The following CLDN2 variants were observed in gnomAD, a reference collection of about 807,000 sequenced individuals.
The protein encoded by CLDN2 is claudin-2.
A neutral mutation model predicts 8.2 loss-of-function variants in CLDN2; 1 was observed. That is an observed-to-expected ratio of 0.12 (90% confidence interval 0.04 to 0.58). The LOEUF is 0.58. CLDN2 is among the 20% of genes least tolerant of loss of function. The probability of loss-of-function intolerance (pLI) is 0.90; values close to 1 mark genes in which losing one functional copy is unlikely to be tolerated. For missense variants in CLDN2, 108 were observed against 172.9 expected (o/e 0.62, Z 2.11); for synonymous variants, 70 against 70.2 (o/e 1.00, Z 0.01).
upstream of CLDN2, chrX:106,918,279 G>T (rs1342155342): frequency 1.8e-5 from 2 of 112,033 alleles, no homozygotes; most frequent in African/African-American, 6.5e-5. Context: ...CACATAGTTG[G>T]TTAGAGGATT....
chrX:106,916,642 G>T (rs1481158355), upstream of CLDN2, among the ~76,000 whole-genome samples: 11 of 111,659 alleles, frequency 9.9e-5, no homozygotes, highest in African/African-American at 2.6e-4. Context: ...TACAATGAGG[G>T]TCAGAGAAAG....
intron 1 of CLDN2, among the ~76,000 whole-genome samples, chrX:106,926,042 C>T (rs1933460605): frequency 9.0e-6 from 1 of 111,690 alleles, no homozygotes; most frequent in Non-Finnish European, 1.9e-5. Flanking sequence ...AGGGAAGTAG[C>T]AGTGGAAATG....
At chrX:106,923,716 A>T (rs1211228733) in intron 1 of CLDN2, among the ~76,000 whole-genome samples, 6 of 111,649 alleles carry the variant, frequency 5.4e-5, no homozygotes, top group Non-Finnish European at 1.1e-4. Context: ...ATTTGAGGCC[A>T]TTAAAACATT....
intron 1 of CLDN2, among the ~76,000 whole-genome samples, chrX:106,907,759 C>T (rs564794641): frequency 2.7e-5 from 3 of 109,317 alleles, no homozygotes; most frequent in South Asian, 3.9e-4. Flanking sequence ...AAGGACTCTC[C>T]TTCGTTCTGA....
chrX:106,914,611 T>C (rs1278267738), upstream of CLDN2, among the ~76,000 whole-genome samples: 1 of 111,864 alleles, frequency 8.9e-6, no homozygotes, highest in Non-Finnish European at 1.9e-5. Flanking sequence ...AATGCCACTT[T>C]CTTGCCATTT....
intron 1 of CLDN2, among the ~76,000 whole-genome samples, chrX:106,908,047 C>T (rs928177364): frequency 5.4e-5 from 6 of 111,472 alleles, no homozygotes; most frequent in Admixed American, 2.9e-4. Context: ...ATTATATTGA[C>T]CCAGTTACTC....
upstream of CLDN2, among the ~76,000 whole-genome samples, chrX:106,917,351 C>G (rs1933324329): frequency 9.0e-6 from 1 of 111,656 alleles, no homozygotes; most frequent in Non-Finnish European, 1.9e-5. Context: ...TCACAGAGGC[C>G]AAGAGGAGAA....
intron 1 of CLDN2, chrX:106,900,837 G>A (rs1481031189): frequency 8.3e-7 from 1 of 1,211,619 alleles, no homozygotes; most frequent in African/African-American, 1.7e-5. Flanking sequence ...TGCCTGGACA[G>A]GAAAGTTCTG....
At chrX:106,921,725 C>T (rs1287022261) in intron 1 of CLDN2, among the ~76,000 whole-genome samples, 1 of 112,126 alleles carries the variant, frequency 8.9e-6, no homozygotes, top group Non-Finnish European at 1.9e-5. Flanking sequence ...CCTCCTAATC[C>T]TCTCCTGCAG....
chrX:106,914,976 A>G (rs1933294029), upstream of CLDN2, among the ~76,000 whole-genome samples: 1 of 112,059 alleles, frequency 8.9e-6, no homozygotes, highest in African/African-American at 3.2e-5. Flanking sequence ...AAGAGTTTCA[A>G]CACCCCAAAT....
chrX:106,915,290 A>C (rs1481177383), upstream of CLDN2, among the ~76,000 whole-genome samples: 1 of 112,224 alleles, frequency 8.9e-6, no homozygotes. Flanking sequence ...CTAAATAAGA[A>C]TGTAAAGTGG....
At chrX:106,903,481 G>T in intron 1 of CLDN2, 1 of 379,381 alleles carries the variant, frequency 2.6e-6, no homozygotes, top group Non-Finnish European at 4.5e-6. Flanking sequence ...GGTTACCTGG[G>T]TGTGAAATCT....
upstream of CLDN2, among the ~76,000 whole-genome samples, chrX:106,916,394 A>C (rs966975370): frequency 9.9e-5 from 11 of 111,341 alleles, no homozygotes; most frequent in Admixed American, 8.7e-4. Flanking sequence ...AAAGGAAGCC[A>C]GTCGGGAGAG....
At chrX:106,914,827 C>A (rs1295059457), upstream of CLDN2, among the ~76,000 whole-genome samples, 3 of 111,565 alleles carry the variant, frequency 2.7e-5, no homozygotes, top group African/African-American at 9.8e-5. Context: ...TAACTAATAT[C>A]TTTTATTTGT....
chrX:106,927,573 C>G (rs933209689), intron 1 of CLDN2, among the ~76,000 whole-genome samples: 9 of 111,798 alleles, frequency 8.1e-5, no homozygotes, highest in African/African-American at 2.9e-4. Flanking sequence ...TAGATTTTCA[C>G]CATGGGCAGA....
At chrX:106,918,877 T>A (rs1235381073), upstream of CLDN2, among the ~76,000 whole-genome samples, 1 of 112,155 alleles carries the variant, frequency 8.9e-6, no homozygotes, top group Non-Finnish European at 1.9e-5. Context: ...GGGCCGAGGT[T>A]TCCTCATCTG....
At chrX:106,925,754 C>T (rs887659937) in intron 1 of CLDN2, among the ~76,000 whole-genome samples, 1 of 112,530 alleles carries the variant, frequency 8.9e-6, no homozygotes, top group African/African-American at 3.2e-5. Context: ...CACCTGTAAT[C>T]CCAGCATTTT....
At chrX:106,905,261 C>T (rs1157668649) in intron 1 of CLDN2, among the ~76,000 whole-genome samples, 1 of 111,989 alleles carries the variant, frequency 8.9e-6, no homozygotes, top group Non-Finnish European at 1.9e-5. Flanking sequence ...AGCTCAGTCA[C>T]CACCTAACCC....
At chrX:106,907,503 C>G (rs1289138526) in intron 1 of CLDN2, among the ~76,000 whole-genome samples, 1 of 110,915 alleles carries the variant, frequency 9.0e-6, no homozygotes, top group Non-Finnish European at 1.9e-5. Flanking sequence ...GAGTTCAAGA[C>G]CAGCCTGGCC....
Sources: allele counts gnomAD v4.1 joint callset (sites outside exome capture counted in the v4.1 genomes callset), GRCh38; gene constraint gnomAD v4.1.1; transcripts MANE v1.5; gene names NCBI Gene and HGNC (gene_info 2026-07-23, HGNC 2026-07-21).